MARCHF3: variants seen among roughly 807,000 people sequenced by gnomAD.
MARCHF3 encodes the protein membrane associated ring-CH-type finger 3.
Under a neutral mutation model 24.2 loss-of-function variants are expected in MARCHF3, and 13 were observed. The observed-to-expected ratio is 0.54, with a 90% CI of 0.35 to 0.85. MARCHF3 has a LOEUF of 0.85. Ranked by LOEUF, MARCHF3 falls within the 40% of genes least tolerant of loss-of-function variation. MARCHF3 has a pLI of 0.01. For missense variants in MARCHF3, 276 were observed against 325.0 expected (o/e 0.85, Z 1.16); for synonymous variants, 144 against 137.3 (o/e 1.05, Z -0.34).
At position 126,914,235 on chromosome 5, in the gene MARCHF3, G is replaced by A. The variant is rs887989578; in HGVS notation, c.393+695C>T. 2.0e-4 allele frequency among the ~76,000 whole-genome samples: 30 copies of A among 151,810 alleles called. 2 individuals are homozygous for A. Among genetic ancestry groups the A allele is most frequent in the Admixed American group, 1.4e-3 (22 of 15,248 alleles). On this transcript the variant is annotated intron_variant, in intron 3 of 4. Transcript: ENST00000308660. ...CCTGACCTTGTGATCCGCCCACCTC[G>A]GCCTCCCAAAGTGCTGGGATTACAG...
chr5:126,924,557 C>G (rs758617431), intron 1 of MARCHF3, among the ~76,000 whole-genome samples: 6 of 152,190 alleles, frequency 3.9e-5, no homozygotes, highest in Non-Finnish European at 7.3e-5. Context: ...TATAACCAGA[C>G]AGTGCACTGC....
intron 3 of MARCHF3, among the ~76,000 whole-genome samples, chr5:126,887,883 C>G (rs1753555592): frequency 6.6e-6 from 1 of 152,202 alleles, no homozygotes; most frequent in South Asian, 2.1e-4. Context: ...TTCTTTGCCA[C>G]AAAGCCTCCA....
chr5:126,951,747 T>A (rs911804165), intron 1 of MARCHF3, among the ~76,000 whole-genome samples: 10 of 152,216 alleles, frequency 6.6e-5, no homozygotes, highest in African/African-American at 2.4e-4. Context: ...AAGAGTAGAT[T>A]AGATGTACAC....
chr5:126,979,692 T>G (rs1404912273), intron 1 of MARCHF3, among the ~76,000 whole-genome samples: 2 of 152,262 alleles, frequency 1.3e-5, no homozygotes, highest in East Asian at 3.9e-4. Context: ...CTCACGCCTG[T>G]AATCCCAGCA....
Position 126,870,352 on chromosome 5 carries a change from G to A in MARCHF3, c.*281C>T, listed in dbSNP as rs751766990. The A allele has an allele frequency of 6.7e-5, 18 of 269,110 alleles. No homozygotes were observed. The highest frequency in any genetic ancestry group is 1.0e-4 in the Non-Finnish European group (14 of 139,992). The allele number at this position is 269,110 out of a possible 1,614,324, so 16.7% of individuals were successfully genotyped here. On this transcript the variant is annotated 3_prime_UTR_variant, in exon 5 of 5. Transcript: ENST00000308660. ...CGTAGCAGGACAACCTTCCTCATAC[G>A]TTAAAGAGGTGTTCAGAAAATTCCA...
At chr5:126,970,775 C>T (rs923898511) in intron 1 of MARCHF3, among the ~76,000 whole-genome samples, 6 of 152,236 alleles carry the variant, frequency 3.9e-5, no homozygotes, top group African/African-American at 1.4e-4. Context: ...CTTCCAGTTT[C>T]TTCAAAGGCC....
intron 1 of MARCHF3, among the ~76,000 whole-genome samples, chr5:126,990,226 C>T (rs927328668): frequency 6.6e-6 from 1 of 151,710 alleles, no homozygotes; most frequent in African/African-American, 2.4e-5. Flanking sequence ...AGAACAGAGG[C>T]CTCAGAAATA....
chr5:126,936,871 A>G (rs910951206), intron 1 of MARCHF3, among the ~76,000 whole-genome samples: 7 of 152,208 alleles, frequency 4.6e-5, no homozygotes, highest in Admixed American at 3.9e-4. Context: ...ACAGATCTCC[A>G]GGTAAAGAAA....
At chr5:127,015,023 A>G (rs1752593500) in intron 1 of MARCHF3, among the ~76,000 whole-genome samples, 1 of 152,158 alleles carries the variant, frequency 6.6e-6, no homozygotes, top group Non-Finnish European at 1.5e-5. Context: ...GATGATAGAT[A>G]TGATAATTAC....
At chr5:127,022,472 G>C (rs2126864632) in intron 1 of MARCHF3, among the ~76,000 whole-genome samples, 1 of 152,312 alleles carries the variant, frequency 6.6e-6, no homozygotes, top group East Asian at 1.9e-4. Flanking sequence ...CTTTCTGACT[G>C]AGAACCTCAG....
At chr5:126,991,157 A>G (rs1375497608) in intron 1 of MARCHF3, among the ~76,000 whole-genome samples, 4 of 152,258 alleles carry the variant, frequency 2.6e-5, no homozygotes, top group Non-Finnish European at 5.9e-5. Flanking sequence ...CCAAATGTCC[A>G]TCAATGATAG....
At chr5:126,882,741 G>C (rs991649399) in intron 3 of MARCHF3, among the ~76,000 whole-genome samples, 10 of 152,160 alleles carry the variant, frequency 6.6e-5, no homozygotes, top group Non-Finnish European at 1.3e-4. Flanking sequence ...CATGCTAAAT[G>C]AATGAGAATA....
chr5:126,906,765 C>T (rs1412247614), intron 3 of MARCHF3, among the ~76,000 whole-genome samples: 3 of 152,120 alleles, frequency 2.0e-5, no homozygotes, highest in African/African-American at 7.2e-5. Flanking sequence ...TTTCAAAAAA[C>T]CAGCTCCTGG....
chr5:127,006,307 G>A (rs751579486), intron 1 of MARCHF3, among the ~76,000 whole-genome samples: 60 of 151,688 alleles, frequency 4.0e-4, no homozygotes, highest in Non-Finnish European at 6.9e-4. Flanking sequence ...GACCGAATGT[G>A]CTTCATTATG....
At chr5:126,898,832 C>T (rs1046367237) in intron 3 of MARCHF3, 11 of 969,496 alleles carry the variant, frequency 1.1e-5, no homozygotes, top group African/African-American at 5.3e-5. Flanking sequence ...ATAATAGCAT[C>T]GCTAGAGGTG....
At chr5:126,959,348 C>T (rs1229396283) in intron 1 of MARCHF3, among the ~76,000 whole-genome samples, 60 of 152,038 alleles carry the variant, frequency 3.9e-4, no homozygotes, top group East Asian at 1.9e-4. Context: ...CCCAAACAGT[C>T]CCAAAAAAGG....
chr5:126,985,475 T>A (rs60037929), intron 1 of MARCHF3, among the ~76,000 whole-genome samples: 3,064 of 150,244 alleles, frequency 0.02, 72 homozygotes, highest in African/African-American at 0.056. Context: ...ACTTTTATTT[T>A]TTTTTTTTTT....
intron 3 of MARCHF3, among the ~76,000 whole-genome samples, chr5:126,905,881 C>G (rs1340874217): frequency 6.6e-6 from 1 of 152,140 alleles, no homozygotes; most frequent in Non-Finnish European, 1.5e-5. Context: ...AGAGGGCATC[C>G]CTGTCTTGTG....
intron 1 of MARCHF3, among the ~76,000 whole-genome samples, chr5:126,973,463 G>A (rs147077637): frequency 1.4e-4 from 21 of 152,352 alleles, no homozygotes; most frequent in Admixed American, 4.6e-4. Flanking sequence ...TCCACCTGTA[G>A]GGGAGGCGCC....
Sources: allele counts gnomAD v4.1 joint callset (sites outside exome capture counted in the v4.1 genomes callset), GRCh38; gene constraint gnomAD v4.1.1; transcripts MANE v1.5; gene names NCBI Gene and HGNC (gene_info 2026-07-23, HGNC 2026-07-21).